Variants in GLMN observed in about 807,000 individuals in gnomAD.
The protein encoded by GLMN is glomulin, FKBP associated protein.
GLMN carries 75 observed loss-of-function variants against 87.8 expected under a neutral mutation model. The observed-to-expected ratio is 0.85, with a 90% CI of 0.71 to 1.04. GLMN has a LOEUF of 1.04. Ranked by LOEUF, GLMN falls within the 50% of genes least tolerant of loss-of-function variation. GLMN has a pLI of 0.00. For synonymous variants in GLMN, 206 were observed against 221.6 expected (o/e 0.93, Z 0.63); for missense variants, 588 against 658.8 (o/e 0.89, Z 1.18).
chr1:92,282,229 A>G (rs945229219), intron 7 of GLMN, among the ~76,000 whole-genome samples: 2 of 152,130 alleles, frequency 1.3e-5, no homozygotes, highest in Non-Finnish European at 2.9e-5. Flanking sequence ...TGGTAGTAAA[A>G]TACTACTCAG....
chr1:92,361,106 C>G, the GLMN span, among the ~76,000 whole-genome samples: 1 of 54,426 alleles, frequency 1.8e-5, no homozygotes, highest in Non-Finnish European at 3.5e-5. Context: ...TATATATACA[C>G]ACACACACAC....
At chr1:92,344,015 A>G in the GLMN span, among the ~76,000 whole-genome samples, 1 of 152,214 alleles carries the variant, frequency 6.6e-6, no homozygotes, top group Non-Finnish European at 1.5e-5. Flanking sequence ...CCCAGAAGCA[A>G]CTGCTACTGT....
chr1:92,359,900 G>C, the GLMN span, among the ~76,000 whole-genome samples: 1 of 152,150 alleles, frequency 6.6e-6, no homozygotes, highest in African/African-American at 2.4e-5. Flanking sequence ...AGAGAAAGCA[G>C]AAAAGGGGAG....
At chr1:92,327,024 T>C in the GLMN span, among the ~76,000 whole-genome samples, 1 of 152,270 alleles carries the variant, frequency 6.6e-6, no homozygotes, top group Non-Finnish European at 1.5e-5. Context: ...TCATATGGTC[T>C]ATCTCGGAGA....
In GLMN at chr1:92,269,703, T is replaced by C; in HGVS notation, c.977+20A>G. On this transcript the variant is annotated intron_variant, in intron 9 of 18. Coordinates refer to ENST00000370360, the MANE Select transcript of GLMN (RefSeq NM_053274.3). The stretch of plus-strand genomic sequence containing the variant: ...TTAACACTACTATTTCATTTTGAGA[T>C]ACCATCTAAACGATCTTACCTTTGC... 1 of 1,554,322 alleles carries C rather than the reference T, an allele frequency of 6.4e-7. No individual in the cohort carries two copies. Among genetic ancestry groups the C allele is most frequent in the South Asian group, 1.1e-5 (1 of 89,952 alleles).
chr1:92,317,316 G>T, the GLMN span, among the ~76,000 whole-genome samples: 1 of 152,076 alleles, frequency 6.6e-6, no homozygotes, highest in Non-Finnish European at 1.5e-5. Flanking sequence ...AGACCAGCCT[G>T]GCCAACATGG....
the GLMN span, among the ~76,000 whole-genome samples, chr1:92,320,142 A>G: frequency 4.3e-4 from 65 of 152,286 alleles, no homozygotes; most frequent in Non-Finnish European, 8.1e-4. Flanking sequence ...CTTTAGTCCA[A>G]GTTAGTCAAG....
At chr1:92,257,765 T>G (rs1244694778) in intron 16 of GLMN, among the ~76,000 whole-genome samples, 1 of 152,090 alleles carries the variant, frequency 6.6e-6, no homozygotes, top group Non-Finnish European at 1.5e-5. Context: ...ATTAAAGACT[T>G]AAACATAAAA....
the GLMN span, among the ~76,000 whole-genome samples, chr1:92,310,714 T>C: frequency 6.6e-6 from 1 of 152,112 alleles, no homozygotes; most frequent in African/African-American, 2.4e-5. Flanking sequence ...CTGGCCAACA[T>C]GACAAAACCC....
chr1:92,293,860 A>G (rs1208429981), intron 3 of GLMN, among the ~76,000 whole-genome samples: 1 of 152,212 alleles, frequency 6.6e-6, no homozygotes, highest in Non-Finnish European at 1.5e-5. Context: ...TCAGGCACAG[A>G]AAAACATTGA....
At chr1:92,269,907 C>A in intron 8 of GLMN, 131 bp from the exon 9 acceptor site, 1 of 652,476 alleles carries the variant, frequency 1.5e-6, no homozygotes, top group Admixed American at 2.4e-5. Flanking sequence ...TCTAGTACCT[C>A]AGAATTTGAC....
At chr1:92,301,612 T>G (rs1650864110), upstream of GLMN, 1 of 1,050,990 alleles carries the variant, frequency 9.5e-7, no homozygotes, top group East Asian at 2.7e-5. Flanking sequence ...GTTGACAAAT[T>G]ATTAGTTTTG....
At chr1:92,369,752 TAAAG>T in the GLMN span, among the ~76,000 whole-genome samples, 40 of 152,122 alleles carry the variant, frequency 2.6e-4, no homozygotes, top group East Asian at 7.5e-3. Flanking sequence ...ACTGCACAGA[TAAAG>T]GAATAAGGAG....
At chr1:92,306,800 T>A in the GLMN span, among the ~76,000 whole-genome samples, 1 of 151,816 alleles carries the variant, frequency 6.6e-6, no homozygotes, top group East Asian at 1.9e-4. Context: ...ACCCTGTCCC[T>A]AAAAAAAATA....
chr1:92,320,564 C>T, the GLMN span: 3 of 1,603,092 alleles, frequency 1.9e-6, no homozygotes, highest in South Asian at 3.3e-5. Flanking sequence ...GCCACCGCAC[C>T]CGGCCTAATT....
chr1:92,248,242 G>T, intron 16 of GLMN: 1 of 345,088 alleles, frequency 2.9e-6, no homozygotes, highest in Non-Finnish European at 5.3e-6. Flanking sequence ...AACTTGTTAA[G>T]TTTTATTTAT....
chr1:92,324,943 A>C, the GLMN span, among the ~76,000 whole-genome samples: 3 of 152,184 alleles, frequency 2.0e-5, no homozygotes, highest in African/African-American at 7.2e-5. Context: ...CTGTATGAAA[A>C]ATTAGTTTCT....
At chr1:92,359,036 T>G in the GLMN span, among the ~76,000 whole-genome samples, 1 of 152,248 alleles carries the variant, frequency 6.6e-6, no homozygotes, top group African/African-American at 2.4e-5. Flanking sequence ...ATTAATCCTT[T>G]GCATTCTGTA....
chr1:92,273,120 C>T (rs1381625034), intron 7 of GLMN, among the ~76,000 whole-genome samples: 1 of 152,144 alleles, frequency 6.6e-6, no homozygotes, highest in Non-Finnish European at 1.5e-5. Flanking sequence ...CTGGGCCTGA[C>T]TTTGTGGGGA....
Sources: gnomAD v4.1 joint callset for allele counts (sites outside exome capture counted in the v4.1 genomes callset) on GRCh38, gnomAD v4.1.1 for gene constraint, MANE v1.5 for transcripts, NCBI Gene and HGNC (gene_info 2026-07-23, HGNC 2026-07-21) for gene names.